The following C9orf43 variants were observed in gnomAD, a reference collection of about 807,000 sequenced individuals.
The protein encoded by C9orf43 is uncharacterized protein C9orf43.
C9orf43 carries 45 observed loss-of-function variants against 59.1 expected under a neutral mutation model. That is an observed-to-expected ratio of 0.76 (90% CI 0.60 to 0.98). The LOEUF (loss-of-function observed/expected upper bound fraction) is 0.98. Ranked by LOEUF, C9orf43 falls within the 50% of genes least tolerant of loss-of-function variation. C9orf43 has a pLI of 0.00. For synonymous variants in C9orf43, 203 were observed against 196.8 expected, an observed-to-expected ratio of 1.03 and a Z score of -0.26; for missense variants, 533 against 554.9, an observed-to-expected ratio of 0.96 and a Z score of 0.40.
At chr9:113,416,485 A>G (rs1828362084) in intron 3 of C9orf43, among the ~76,000 whole-genome samples, 1 of 152,036 alleles carries the variant, frequency 6.6e-6, no homozygotes, top group Admixed American at 6.6e-5. Flanking sequence ...CTGTCACTTC[A>G]TTAAGTCCCT....
At chr9:113,414,441 A>ATT (rs770355833) in intron 3 of C9orf43, among the ~76,000 whole-genome samples, 2 of 140,022 alleles carry the variant, frequency 1.4e-5, no homozygotes, top group Non-Finnish European at 3.1e-5. Context: ...CGCCTGGTTA[A>ATT]TTTTTTTTTT....
chr9:113,421,972 T>G (rs1323466548), intron 5 of C9orf43, among the ~76,000 whole-genome samples: 1 of 152,116 alleles, frequency 6.6e-6, no homozygotes, highest in African/African-American at 2.4e-5. Flanking sequence ...CAGGGCTCCT[T>G]CTAGCTTTTT....
chr9:113,415,123 T>C (rs922757552), intron 3 of C9orf43, among the ~76,000 whole-genome samples: 52 of 152,094 alleles, frequency 3.4e-4, no homozygotes, highest in African/African-American at 1.3e-3. Context: ...TGAGCCACCA[T>C]GCCCAACCCT....
At chr9:113,415,593 G>A (rs1009334261) in intron 3 of C9orf43, among the ~76,000 whole-genome samples, 1 of 151,934 alleles carries the variant, frequency 6.6e-6, no homozygotes, top group Non-Finnish European at 1.5e-5. Flanking sequence ...CACCATGCCC[G>A]GCCCCTGTCT....
At position 113,429,172 on chromosome 9, in the gene C9orf43, G is replaced by A. The variant is rs1828896375; in HGVS notation, c.1172G>A (p.Ser391Asn). Residue 391 changes from serine to asparagine, a missense_variant and splice_region_variant, in exon 14 of 14, where the codon AGT becomes AAT. Physicochemically the swap from Ser to Asn is conservative, Grantham distance 46. Transcript: ENST00000374165. ...AATTAATGACTGCATCTTCTTTTAG[G>A]TCCTGAATTGTATGAAACAGAACCC... ...DHADFHHSVK[S>N]PELYETEPTN... 1.2e-6 allele frequency: 2 copies of A among 1,613,824 alleles called. No individual in the cohort carries two copies. The highest frequency in any genetic ancestry group is 2.7e-5 in the African/African-American group (2 of 74,898).
intron 4 of C9orf43, among the ~76,000 whole-genome samples, chr9:113,419,994 C>T (rs1828506546): frequency 1.3e-5 from 2 of 152,108 alleles, no homozygotes; most frequent in Non-Finnish European, 2.9e-5. Context: ...GTATAAGGAA[C>T]TGAGATGGTA....
At chr9:113,425,124 C>T (rs1038488184) in intron 9 of C9orf43, 48 bp downstream of exon 9, 6 of 1,567,766 alleles carry the variant, frequency 3.8e-6, no homozygotes, top group Admixed American at 3.3e-5. Context: ...TTTCTGTTAG[C>T]CCACATTTCT....
At chr9:113,423,152 A>G (rs1186667100) in intron 6 of C9orf43, among the ~76,000 whole-genome samples, 174 bp from the exon 7 acceptor site, 1 of 152,222 alleles carries the variant, frequency 6.6e-6, no homozygotes, top group Non-Finnish European at 1.5e-5. Context: ...TGATCTGAAT[A>G]CAACAACAGA....
Position 113,413,868 on chromosome 9 carries a change from A to G in C9orf43, c.261A>G (p.Ser87=). Residue 87 remains serine (S), a synonymous_variant, in exon 3 of 14, where the codon TCA becomes TCG. Coordinates refer to ENST00000374165, the MANE Select transcript of C9orf43 (RefSeq NM_001278629.2). The part of the protein sequence containing the change: ...TKAHSLLSQS[S]KFYSKFHGRP... Reference sequence around the variant, plus strand: ...CCCATTCTTTATTGTCTCAGAGTTCAAAGTTTTACTCCAAATTTCATGGCA... The same window carrying G: ...CCCATTCTTTATTGTCTCAGAGTTCGAAGTTTTACTCCAAATTTCATGGCA... 1 of 1,611,346 alleles carries G rather than the reference A, an allele frequency of 6.2e-7. No homozygotes were observed. The highest frequency in any genetic ancestry group is 8.5e-7 in the Non-Finnish European group (1 of 1,179,350).
intron 3 of C9orf43, among the ~76,000 whole-genome samples, chr9:113,414,893 G>T (rs185508091): frequency 6.6e-6 from 1 of 152,102 alleles, no homozygotes; most frequent in Non-Finnish European, 1.5e-5. Context: ...TGTCACCCAG[G>T]TTGGAGTGCA....
chr9:113,429,343 CTGA>C lies in C9orf43; in HGVS notation c.1350_1352del (p.Asp450del). 16 of 1,614,174 alleles carry C rather than the reference CTGA, an allele frequency of 9.9e-6. No homozygotes were observed. Among genetic ancestry groups the C allele is most frequent in the Non-Finnish European group, 1.3e-5 (15 of 1,180,046 alleles). On this transcript the variant is annotated inframe_deletion, in exon 14 of 14. Coordinates refer to ENST00000374165, the MANE Select transcript of C9orf43 (RefSeq NM_001278629.2). ...AAACTACTTAGGATTCTTCAGGACACTGATGATGAGGATGAGGAGGACCAGTCC... is the reference window on the plus strand; with the variant it reads ...AAACTACTTAGGATTCTTCAGGACACTGATGAGGATGAGGAGGACCAGTCC...
intron 12 of C9orf43, 39 bp from the exon 13 acceptor site, chr9:113,428,861 G>C: frequency 6.4e-7 from 1 of 1,551,854 alleles, no homozygotes. Flanking sequence ...GTTTCCTAAA[G>C]TCTTGATTCA....
In C9orf43 at chr9:113,410,938, T is replaced by G; in HGVS notation, c.-113T>G. 2.0e-6 allele frequency: 2 copies of G among 986,564 alleles called. No homozygotes were observed. Among genetic ancestry groups the G allele is most frequent in the Non-Finnish European group, 2.4e-6 (2 of 830,552 alleles). The allele number at this position is 986,564 out of a possible 1,614,324, so 61.1% of individuals were successfully genotyped here. Reference sequence around the variant, plus strand: ...CCTGGAATGGAGTGGGCAGTCTTTTTCCATCTCTACCGAAGTTGATGTTCA... The same window carrying G: ...CCTGGAATGGAGTGGGCAGTCTTTTGCCATCTCTACCGAAGTTGATGTTCA... On this transcript the variant is annotated 5_prime_UTR_variant, in exon 1 of 14. Coordinates refer to ENST00000374165, the MANE Select transcript of C9orf43 (RefSeq NM_001278629.2).
intron 12 of C9orf43, 143 bp from the exon 13 acceptor site, chr9:113,428,757 G>A (rs113969984): frequency 0.052 from 36,005 of 697,748 alleles, 1,187 homozygotes; most frequent in South Asian, 0.094. Context: ...AGAACGTGTG[G>A]TAAAAGCTTC....
At chr9:113,425,777 G>T (rs898888624) in intron 11 of C9orf43, 47 bp downstream of exon 11, 1 of 1,459,240 alleles carries the variant, frequency 6.9e-7, no homozygotes, top group Non-Finnish European at 9.6e-7. Flanking sequence ...TCCCTGAGGG[G>T]TAGGTATCTG....
At position 113,428,229 on chromosome 9, in the gene C9orf43, A is replaced by G. The variant is rs761353874; in HGVS notation, c.1107+6A>G. On this transcript the variant is annotated splice_donor_region_variant and intron_variant, in intron 12 of 13. Transcript: ENST00000374165. ...AAGGAACCACTTCGAAACAGGTGAG[A>G]GTGTACCAAGGCCTCTGCTAGGACC... 1.9e-6 allele frequency: 3 copies of G among 1,613,752 alleles called. No homozygotes were observed. The East Asian group carries it at 6.7e-5, about 36-fold the overall frequency.
chr9:113,417,886 CTGAG>C (rs774572323), intron 3 of C9orf43, among the ~76,000 whole-genome samples: 16 of 152,150 alleles, frequency 1.1e-4, no homozygotes, highest in Non-Finnish European at 4.4e-5. Context: ...ATAAAGCAGG[CTGAG>C]TGTTAGGTCT....
At position 113,427,396 on chromosome 9, in the gene C9orf43, C is replaced by T. The variant is rs180865189; in HGVS notation, c.1031-751C>T. On this transcript the variant is annotated intron_variant, in intron 11 of 13. Coordinates refer to ENST00000374165, the MANE Select transcript of C9orf43 (RefSeq NM_001278629.2). ...TTCTCCATGTTGGTCAGGCTGGTCT[C>T]GAACTCCCAACCTCAGGTGATCTGC... Among the ~76,000 whole-genome samples, 97 of 152,246 alleles carry T rather than the reference C, an allele frequency of 6.4e-4. No individual in the cohort carries two copies. The Middle Eastern group carries it at 0.014, about 21-fold the overall frequency.
intron 4 of C9orf43, 21 bp from the exon 5 acceptor site, chr9:113,421,082 G>A: frequency 6.3e-7 from 1 of 1,589,940 alleles, no homozygotes; most frequent in African/African-American, 1.3e-5. Flanking sequence ...GCCATACATA[G>A]GCTTTATATC....
Sources: gnomAD v4.1 joint callset for allele counts (sites outside exome capture counted in the v4.1 genomes callset) on GRCh38, gnomAD v4.1.1 for gene constraint, MANE v1.5 for transcripts, NCBI Gene and HGNC (gene_info 2026-07-23, HGNC 2026-07-21) for gene names.